PRKX: variants seen among roughly 807,000 people sequenced by gnomAD.
The protein encoded by PRKX is cAMP-dependent protein kinase catalytic subunit PRKX.
In PRKX, 12 loss-of-function variants were observed where a neutral mutation model predicts 22.0. The ratio of observed to expected loss-of-function variants is 0.54; its 90% CI spans 0.35 to 0.88. The LOEUF (loss-of-function observed/expected upper bound fraction) is 0.88. Among genes scored for constraint, PRKX ranks in the 40% least tolerant of loss-of-function variants. The pLI, the probability that PRKX is intolerant of heterozygous loss-of-function variation, is 0.01. For missense variants in PRKX, 217 were observed against 308.0 expected (o/e 0.70, Z 2.21); for synonymous variants, 134 against 137.7 (o/e 0.97, Z 0.19).
Position 3,612,169 on chromosome X carries a change from A to C in PRKX, c.*23+8T>G. The C allele has an allele frequency of 8.4e-7, 1 of 1,192,383 alleles. No individual in the cohort carries two copies. Among genetic ancestry groups the C allele is most frequent in the Non-Finnish European group, 1.1e-6 (1 of 885,993 alleles). ...ATTTTTTGGGAATTACTAAATATAAAGATATACCTTCCAGATGTGAGCTCC... is the reference window on the plus strand; with the variant it reads ...ATTTTTTGGGAATTACTAAATATAACGATATACCTTCCAGATGTGAGCTCC... On this transcript the variant is annotated splice_region_variant and intron_variant, in intron 8 of 8. Transcript: ENST00000262848.
At chrX:3,618,481 G>A (rs1287675098) in intron 6 of PRKX, among the ~76,000 whole-genome samples, 2 of 106,267 alleles carry the variant, frequency 1.9e-5, no homozygotes, top group South Asian at 4.1e-4. Flanking sequence ...TAGATCTTAA[G>A]TGTTCTCACC....
chrX:3,646,622 C>T (rs1205302911), intron 3 of PRKX, among the ~76,000 whole-genome samples: 7 of 111,438 alleles, frequency 6.3e-5, no homozygotes, highest in Non-Finnish European at 3.8e-5. Context: ...TACTACATTG[C>T]CTTTTCTTAT....
chrX:3,655,409 G>T lies in PRKX; in HGVS notation c.339C>A (p.Phe113Leu). The T allele has an allele frequency of 4.1e-6, 5 of 1,212,188 alleles. No homozygotes were observed. Among genetic ancestry groups the T allele is most frequent in the Non-Finnish European group, 4.5e-6 (4 of 895,599 alleles). The change falls in exon 3 of 9, where the codon TTC becomes TTA. Residue 113 changes from phenylalanine to leucine, a missense_variant. Physicochemically the swap from Phe to Leu is conservative, Grantham distance 22. Coordinates refer to ENST00000262848, the MANE Select transcript of PRKX (RefSeq NM_005044.5). ...GGAAGCGCTCGTCATGCCACGTCCA[G>T]AACCTGCGGGGACAGACAGCACATG... ...EVSHPFLIRL[F>L]WTWHDERFLY... is the part of the protein sequence containing the mutation.
Position 3,653,916 on chromosome X carries a change from A to G in PRKX, c.599+1233T>C, listed in dbSNP as rs191974530. On this transcript the variant is annotated intron_variant, in intron 3 of 8. Transcript: ENST00000262848. ...ATATATATTATATACTATGTGATATATATAATATATATTATATACTATGTG... is the reference window on the plus strand; with the variant it reads ...ATATATATTATATACTATGTGATATGTATAATATATATTATATACTATGTG... Among the ~76,000 whole-genome samples the G allele has an allele frequency of 9.0e-3, 659 of 73,017 alleles. 19 individuals are homozygous for G. The highest frequency in any genetic ancestry group is 0.036 in the African/African-American group (617 of 17,086). 63.4% of individuals were successfully genotyped at this position (73,017 alleles called of 115,157 possible). A position where few individuals can be genotyped will look rare whatever the true frequency, so the allele number is the denominator to read the frequency against.
intron 2 of PRKX, among the ~76,000 whole-genome samples, chrX:3,667,765 C>T (rs919688668): frequency 9.0e-6 from 1 of 110,805 alleles, no homozygotes; most frequent in African/African-American, 3.3e-5. Flanking sequence ...GGGTTCACTG[C>T]ATTCCTGTGT....
intron 2 of PRKX, among the ~76,000 whole-genome samples, chrX:3,660,830 G>T (rs1373196406): frequency 9.0e-6 from 1 of 110,904 alleles, no homozygotes; most frequent in Non-Finnish European, 1.9e-5. Flanking sequence ...CCATGGGTAG[G>T]ATGATCTGTA....
intron 4 of PRKX, among the ~76,000 whole-genome samples, chrX:3,633,256 G>GA (rs373830482): frequency 0.015 from 908 of 58,879 alleles, 10 homozygotes; most frequent in African/African-American, 0.032. Context: ...TGTCTCAAAA[G>GA]AAAAAAAAAA....
chrX:3,619,824 C>T (rs1358963367), intron 6 of PRKX, among the ~76,000 whole-genome samples: 1 of 111,131 alleles, frequency 9.0e-6, no homozygotes, highest in Non-Finnish European at 1.9e-5. Context: ...CCCAAGAGAG[C>T]CAAGTGGTTC....
At chrX:3,676,119 C>G (rs1202102079) in intron 1 of PRKX, among the ~76,000 whole-genome samples, 2 of 111,589 alleles carry the variant, frequency 1.8e-5, no homozygotes, top group African/African-American at 6.5e-5. Context: ...TACTGACATG[C>G]AAGTCATTCC....
At chrX:3,654,567 G>A (rs376227531) in intron 3 of PRKX, among the ~76,000 whole-genome samples, 13 of 101,560 alleles carry the variant, frequency 1.3e-4, no homozygotes, top group Admixed American at 3.4e-4. Context: ...CTCAACTTCC[G>A]GGGCTCAAAT....
At chrX:3,634,264 T>C (rs991634193) in intron 4 of PRKX, among the ~76,000 whole-genome samples, 1 of 107,931 alleles carries the variant, frequency 9.3e-6, no homozygotes, top group Admixed American at 1.0e-4. Flanking sequence ...AAAAAAATAA[T>C]AATAATTAAT....
intron 3 of PRKX, among the ~76,000 whole-genome samples, chrX:3,651,373 ATC>A (rs985018640): frequency 4.4e-5 from 5 of 112,454 alleles, no homozygotes; most frequent in African/African-American, 1.6e-4. Context: ...GAAATATTTT[ATC>A]TGTTTTCTTT....
intron 3 of PRKX, among the ~76,000 whole-genome samples, chrX:3,645,395 G>A (rs1950414064): frequency 9.0e-6 from 1 of 111,696 alleles, no homozygotes. Context: ...CACCTGCACT[G>A]GTTGAACTGT....
At chrX:3,627,461 G>A (rs1180189975) in intron 4 of PRKX, among the ~76,000 whole-genome samples, 2 of 105,767 alleles carry the variant, frequency 1.9e-5, no homozygotes, top group African/African-American at 6.9e-5. Flanking sequence ...TGGAGAAAAG[G>A]GAACTCTTTT....
Position 3,641,836 on chromosome X carries a change from C to T in PRKX, c.719+16G>A, listed in dbSNP as rs1250699248. 1 of 459,863 alleles carries T rather than the reference C, an allele frequency of 2.2e-6. No individual in the cohort carries two copies. Among genetic ancestry groups the T allele is most frequent in the Middle Eastern group, 6.2e-4 (1 of 1,626 alleles). 37.9% of individuals were successfully genotyped at this position (459,863 alleles called of 1,213,427 possible). A position where few individuals can be genotyped will look rare whatever the true frequency, so the allele number is the denominator to read the frequency against. ...TGGCCTGTAAGATGAAGATTCTCTACAGAGACTCTACTTACCCCGAAAGCA... is the reference window on the plus strand; with the variant it reads ...TGGCCTGTAAGATGAAGATTCTCTATAGAGACTCTACTTACCCCGAAAGCA... On this transcript the variant is annotated intron_variant, in intron 4 of 8. Transcript: ENST00000262848.
At chrX:3,620,602 A>G (rs6641802) in intron 6 of PRKX, among the ~76,000 whole-genome samples, 20,101 of 111,827 alleles carry the variant, frequency 0.18, 1,664 homozygotes, top group African/African-American at 0.32. Flanking sequence ...TCAGATCAGC[A>G]GTGGCATTAG....
rs1179096011 is a variant in PRKX at position 3,608,121 on chromosome X, A to G, written c.*848T>C. 1 of 110,130 alleles carries G rather than the reference A, an allele frequency of 9.1e-6. No homozygotes were observed. The highest frequency in any genetic ancestry group is 1.9e-5 in the Non-Finnish European group (1 of 52,857). 9.1% of individuals were successfully genotyped at this position (110,130 alleles called of 1,213,427 possible). A position where few individuals can be genotyped will look rare whatever the true frequency, so the allele number is the denominator to read the frequency against. On this transcript the variant is annotated 3_prime_UTR_variant, in exon 9 of 9. Coordinates refer to ENST00000262848, the MANE Select transcript of PRKX (RefSeq NM_005044.5). ...GGTCTCCAACTCCTGGGCTCAAGCA[A>G]TCCACCCACCTCAGCCTCCCAAAGT...
intron 4 of PRKX, among the ~76,000 whole-genome samples, chrX:3,635,238 G>A (rs775202793): frequency 1.8e-5 from 2 of 111,690 alleles, no homozygotes; most frequent in East Asian, 2.8e-4. Flanking sequence ...GGGTTCCCGA[G>A]GCCAACATGT....
At chrX:3,710,015 C>A (rs755035147) in intron 1 of PRKX, among the ~76,000 whole-genome samples, 14 of 107,857 alleles carry the variant, frequency 1.3e-4, no homozygotes, top group African/African-American at 4.1e-4. Flanking sequence ...CTGGAACTCC[C>A]GGCCTCAAGT....
Sources: allele counts gnomAD v4.1 joint callset (sites outside exome capture counted in the v4.1 genomes callset), GRCh38; gene constraint gnomAD v4.1.1; transcripts MANE v1.5; gene names NCBI Gene and HGNC (gene_info 2026-07-23, HGNC 2026-07-21).